The following CADM2 variants were observed in gnomAD, a reference collection of about 807,000 sequenced individuals.
CADM2 encodes cell adhesion molecule 2.
Under a neutral mutation model 49.8 loss-of-function variants are expected in CADM2, and 12 were observed. That is an observed-to-expected ratio of 0.24 (90% CI 0.15 to 0.39). CADM2 has a LOEUF of 0.39. Among genes scored for constraint, CADM2 ranks in the 10% least tolerant of loss-of-function variants. CADM2 has a pLI of 1.00. For synonymous variants in CADM2, 214 were observed against 175.4 expected (o/e 1.22, Z -1.74); for missense variants, 378 against 492.3 (o/e 0.77, Z 2.20).
chr3:85,705,263 T>C (rs1379734650), intron 1 of CADM2, among the ~76,000 whole-genome samples: 1 of 151,732 alleles, frequency 6.6e-6, no homozygotes, highest in African/African-American at 2.4e-5. Context: ...CAAGGACGTT[T>C]TGTATGTGAT....
intron 1 of CADM2, among the ~76,000 whole-genome samples, chr3:85,099,032 T>G (rs1437072315): frequency 6.6e-6 from 1 of 152,150 alleles, no homozygotes; most frequent in Non-Finnish European, 1.5e-5. Flanking sequence ...CAATATGTAA[T>G]CAAACAAATA....
chr3:85,446,935 T>C lies in CADM2; in HGVS notation c.62-279587T>C, dbSNP rs544451779. Reference sequence around the variant, plus strand: ...TTTTTAGTGCCTCTTCAGTCATATATTTATACATCACTCTGGTAGCTAAAT... The same window carrying C: ...TTTTTAGTGCCTCTTCAGTCATATACTTATACATCACTCTGGTAGCTAAAT... On this transcript the variant is annotated intron_variant, in intron 1 of 9. Coordinates refer to ENST00000383699, the MANE Select transcript of CADM2 (RefSeq NM_001167675.2). Among the ~76,000 whole-genome samples, 558 of 147,132 alleles carry C rather than the reference T, an allele frequency of 3.8e-3. 1 individual carries two copies. Among genetic ancestry groups the C allele is most frequent in the Middle Eastern group, 0.011 (3 of 278 alleles).
At chr3:85,825,586 G>GA (rs1285125821) in intron 3 of CADM2, among the ~76,000 whole-genome samples, 4 of 151,946 alleles carry the variant, frequency 2.6e-5, no homozygotes, top group African/African-American at 9.7e-5. Context: ...TGCAGGGGAT[G>GA]AAAATGGCAG....
At chr3:85,530,924 A>G (rs1455374256) in intron 1 of CADM2, among the ~76,000 whole-genome samples, 1 of 149,524 alleles carries the variant, frequency 6.7e-6, no homozygotes, top group Non-Finnish European at 1.5e-5. Context: ...AAAATTCATT[A>G]TTGTGGAATG....
At chr3:85,549,953 C>A (rs1484918831) in intron 1 of CADM2, among the ~76,000 whole-genome samples, 4 of 151,770 alleles carry the variant, frequency 2.6e-5, no homozygotes, top group African/African-American at 9.7e-5. Flanking sequence ...TAAAAATGAG[C>A]AAATAAAAAA....
At chr3:85,199,452 A>G (rs2041435643) in intron 1 of CADM2, among the ~76,000 whole-genome samples, 2 of 147,390 alleles carry the variant, frequency 1.4e-5, no homozygotes, top group Admixed American at 1.3e-4. Context: ...AGAGAAAATA[A>G]TTTTCATTAG....
At chr3:85,618,472 T>C (rs926067155) in intron 1 of CADM2, among the ~76,000 whole-genome samples, 1 of 152,162 alleles carries the variant, frequency 6.6e-6, no homozygotes, top group Non-Finnish European at 1.5e-5. Flanking sequence ...GGTAAATATT[T>C]AGTATTTTTT....
intron 1 of CADM2, among the ~76,000 whole-genome samples, chr3:85,667,975 G>T (rs2065621671): frequency 6.6e-6 from 1 of 151,962 alleles, no homozygotes; most frequent in African/African-American, 2.4e-5. Context: ...CTGTATATGT[G>T]AAGGCTAATT....
rs1050590435 is a variant in CADM2, at chr3:85,523,411, TAACTC to T, written c.62-203108_62-203104del. ...ATTTGTAAAAATTCGTTAATAAACATAACTCAAGGCAGTTTGAACAGGAAAATATA... is the reference window on the plus strand; with the variant it reads ...ATTTGTAAAAATTCGTTAATAAACATAAGGCAGTTTGAACAGGAAAATATA... On this transcript the variant is annotated intron_variant, in intron 1 of 9. Coordinates refer to ENST00000383699, the MANE Select transcript of CADM2 (RefSeq NM_001167675.2). Among the ~76,000 whole-genome samples the T allele has an allele frequency of 5.1e-4, 78 of 152,206 alleles. 1 individual carries two copies. The highest frequency in any genetic ancestry group is 1.7e-3 in the African/African-American group (70 of 41,540).
chr3:85,124,117 T>C (rs1270826318), intron 1 of CADM2, among the ~76,000 whole-genome samples: 1 of 152,176 alleles, frequency 6.6e-6, no homozygotes, highest in Non-Finnish European at 1.5e-5. Flanking sequence ...AAGTTAGGGA[T>C]CTACTTTCCC....
intron 1 of CADM2, among the ~76,000 whole-genome samples, chr3:85,665,271 A>C (rs1230715355): frequency 6.6e-6 from 1 of 151,932 alleles, no homozygotes; most frequent in Admixed American, 6.6e-5. Context: ...TTAAGATTTT[A>C]ATTTATATTT....
intron 1 of CADM2, among the ~76,000 whole-genome samples, chr3:85,587,368 T>C (rs2062973567): frequency 6.6e-6 from 1 of 152,138 alleles, no homozygotes; most frequent in Non-Finnish European, 1.5e-5. Context: ...TCACAAGTCA[T>C]GTGTTTTTCT....
At chr3:85,365,182 G>GTTTTTTTTTTTTTTTAC (rs2032664811) in intron 1 of CADM2, among the ~76,000 whole-genome samples, 1 of 100,584 alleles carries the variant, frequency 9.9e-6, no homozygotes, top group African/African-American at 3.4e-5. Context: ...AATTGGGAGG[G>GTTTTTTTTTTTTTTTAC]TTTTTTTTTT....
chr3:85,726,866 A>T (rs1188726435), intron 2 of CADM2, among the ~76,000 whole-genome samples: 1 of 152,190 alleles, frequency 6.6e-6, no homozygotes, highest in South Asian at 2.1e-4. Flanking sequence ...AAAATTGAGA[A>T]TTGGGCAAAA....
intron 2 of CADM2, among the ~76,000 whole-genome samples, chr3:85,785,132 C>T (rs2070901730): frequency 6.6e-6 from 1 of 152,022 alleles, no homozygotes; most frequent in East Asian, 1.9e-4. Context: ...TGTAATGTAT[C>T]ATTTTTCATC....
At chr3:85,013,744 T>A (rs899845282) in intron 1 of CADM2, among the ~76,000 whole-genome samples, 2 of 149,804 alleles carry the variant, frequency 1.3e-5, no homozygotes, top group Non-Finnish European at 3.0e-5. Context: ...CAGTTATTCA[T>A]GGTCAACTAC....
chr3:85,770,219 T>C (rs1372657443), intron 2 of CADM2, among the ~76,000 whole-genome samples: 1 of 152,124 alleles, frequency 6.6e-6, no homozygotes, highest in Admixed American at 6.6e-5. Flanking sequence ...CCCAATTCTA[T>C]GTGCTTATTT....
chr3:85,870,756 GTA>G (rs57916333), intron 3 of CADM2, among the ~76,000 whole-genome samples: 6,690 of 152,120 alleles, frequency 0.044, 316 homozygotes, highest in East Asian at 0.2. Context: ...ATTCCTTTGG[GTA>G]TATAGCCCAT....
At chr3:85,983,012 A>T (rs1413190296) in intron 8 of CADM2, among the ~76,000 whole-genome samples, 1 of 151,756 alleles carries the variant, frequency 6.6e-6, no homozygotes, top group East Asian at 1.9e-4. Context: ...TATTTTTAAT[A>T]AATGATCACA....
Sources: gnomAD v4.1 joint callset for allele counts (sites outside exome capture counted in the v4.1 genomes callset) on GRCh38, gnomAD v4.1.1 for gene constraint, MANE v1.5 for transcripts, NCBI Gene and HGNC (gene_info 2026-07-23, HGNC 2026-07-21) for gene names.